The following SLC19A1 variants were observed in gnomAD, a reference collection of about 807,000 sequenced individuals.
SLC19A1 encodes solute carrier family 19 member 1, also known as reduced folate transporter.
A neutral mutation model predicts 35.3 loss-of-function variants in SLC19A1; 37 were observed. The ratio of observed to expected loss-of-function variants is 1.05; its 90% CI spans 0.81 to 1.38. The LOEUF is 1.38. SLC19A1 is among the 40% of genes most tolerant of loss of function. SLC19A1 has a pLI of 0.00. For missense variants in SLC19A1, 831 were observed against 826.9 expected (o/e 1.00, Z -0.06); for synonymous variants, 460 against 398.5 (o/e 1.15, Z -1.84).
downstream of SLC19A1, chr21:45,511,122 G>C (rs746006164): frequency 1.9e-6 from 3 of 1,575,144 alleles, no homozygotes; most frequent in Non-Finnish European, 2.6e-6. Flanking sequence ...ACGAGCTGCT[G>C]TTTCCCAGCT....
At chr21:45,510,754 A>C (rs951077558), downstream of SLC19A1, among the ~76,000 whole-genome samples, 55 of 152,130 alleles carry the variant, frequency 3.6e-4, no homozygotes, top group Non-Finnish European at 7.5e-4. Context: ...CAGAACCAAC[A>C]GCAGAGGGGT....
Position 45,560,686 on chromosome 21 carries a change from G to A in SLC19A1, c.-50+2056C>T, listed in dbSNP as rs114950003. Among the ~76,000 whole-genome samples the A allele has an allele frequency of 3.2e-3, 482 of 152,382 alleles. 3 individuals are homozygous for A. The highest frequency in any genetic ancestry group is 0.011 in the African/African-American group (457 of 41,594). Reference sequence around the variant, plus strand: ...GAATGAGGATTTGAAGGACCAAGAAGAGGAATGACAAAGGTGAGGTGCCTT... The same window carrying A: ...GAATGAGGATTTGAAGGACCAAGAAAAGGAATGACAAAGGTGAGGTGCCTT... On this transcript the variant is annotated intron_variant, in intron 1 of 5. Coordinates refer to the SLC19A1 transcript ENST00000650808.
At chr21:45,541,259 GTGGCACCCAGGCAA>G (rs1221635191) in intron 1 of SLC19A1, among the ~76,000 whole-genome samples, 1 of 152,262 alleles carries the variant, frequency 6.6e-6, no homozygotes. Flanking sequence ...CAGTGCACAG[GTGGCACCCAGGCAA>G]AGGCGGCCAG....
Position 45,534,315 on chromosome 21 carries a change from G to A in SLC19A1, c.190-2167C>T, listed in dbSNP as rs527294537. Among the ~76,000 whole-genome samples the A allele has an allele frequency of 3.9e-5, 6 of 152,268 alleles. No individual in the cohort carries two copies. Among genetic ancestry groups the A allele is most frequent in the East Asian group, 3.9e-4 (2 of 5,162 alleles). On this transcript the variant is annotated intron_variant, in intron 2 of 5. Transcript: ENST00000311124. The surrounding 1 kb of genome is among the most constrained non-coding windows in gnomAD (Gnocchi z 4.2). Reference sequence around the variant, plus strand: ...AGCCCAGGGAACCCCTGCAGATTCCGAAAGAAGCGGCTCAGAGGCAGGGGT... The same window carrying A: ...AGCCCAGGGAACCCCTGCAGATTCCAAAAGAAGCGGCTCAGAGGCAGGGGT...
chr21:45,533,318 C>T lies in SLC19A1; in HGVS notation c.190-1170G>A, dbSNP rs2077998176. Reference sequence around the variant, plus strand: ...ACGGGGCTGGGGGTGCTACCTCCTACAGGACAAGGTCAGAGGACACTGCCC... The same window carrying T: ...ACGGGGCTGGGGGTGCTACCTCCTATAGGACAAGGTCAGAGGACACTGCCC... On this transcript the variant is annotated intron_variant, in intron 2 of 5. Coordinates refer to ENST00000311124, the MANE Select transcript of SLC19A1 (RefSeq NM_194255.4). This position sits in a 1 kb window ranked among gnomAD's most constrained non-coding sequence, Gnocchi z 4.5. Among the ~76,000 whole-genome samples the T allele has an allele frequency of 6.6e-6, 1 of 152,152 alleles. No individual in the cohort carries two copies. Among genetic ancestry groups the T allele is most frequent in the African/African-American group, 2.4e-5 (1 of 41,430 alleles).
At chr21:45,547,380 A>ATTC (rs2078425191), upstream of SLC19A1, among the ~76,000 whole-genome samples, 1 of 152,142 alleles carries the variant, frequency 6.6e-6, no homozygotes, top group Non-Finnish European at 1.5e-5. Flanking sequence ...CCATGAGGGG[A>ATTC]AGGGAGGGAT....
At position 45,534,332 on chromosome 21, in the gene SLC19A1, G is replaced by A. The variant is rs2146390903; in HGVS notation, c.190-2184C>T. On this transcript the variant is annotated intron_variant, in intron 2 of 5. Transcript: ENST00000311124. This position sits in a 1 kb window ranked among gnomAD's most constrained non-coding sequence, Gnocchi z 4.2. ...CAGATTCCGAAAGAAGCGGCTCAGA[G>A]GCAGGGGTCCTCCTAGGACCTCAGG... Among the ~76,000 whole-genome samples, 1 of 152,232 alleles carries A rather than the reference G, an allele frequency of 6.6e-6. No homozygotes were observed. Among genetic ancestry groups the A allele is most frequent in the East Asian group, 1.9e-4 (1 of 5,150 alleles).
chr21:45,523,570 C>T (rs1208681567), intron 5 of SLC19A1, among the ~76,000 whole-genome samples: 1 of 152,234 alleles, frequency 6.6e-6, no homozygotes, highest in African/African-American at 2.4e-5. Flanking sequence ...GGGGTCCCCT[C>T]CACAGGGCAG....
In SLC19A1 at chr21:45,530,666, G is replaced by T; in HGVS notation, c.1151+104C>A. 8.0e-7 allele frequency: 1 copy of T among 1,250,678 alleles called. No individual in the cohort carries two copies. Among genetic ancestry groups the T allele is most frequent in the Non-Finnish European group, 1.1e-6 (1 of 903,978 alleles). 77.5% of individuals were successfully genotyped at this position (1,250,678 alleles called of 1,614,324 possible). On this transcript the variant is annotated intron_variant, in intron 4 of 5. Coordinates refer to ENST00000311124, the MANE Select transcript of SLC19A1 (RefSeq NM_194255.4). This position sits in a 1 kb window ranked among gnomAD's most constrained non-coding sequence, Gnocchi z 5.3. Reference sequence around the variant, plus strand: ...CAGGTGGCTGGCGGGGCCAGCAGTGGCACAGCCGCTGGGGCGCAGCAGGAA... The same window carrying T: ...CAGGTGGCTGGCGGGGCCAGCAGTGTCACAGCCGCTGGGGCGCAGCAGGAA...
downstream of SLC19A1, among the ~76,000 whole-genome samples, chr21:45,508,284 A>ATGGGGAGGTGGATGGGTGGTTGC (rs1241650291): frequency 7.2e-6 from 1 of 138,292 alleles, no homozygotes; most frequent in African/African-American, 2.9e-5. Flanking sequence ...GGGTAGGTAG[A>ATGGGGAGGTGGATGGGTGGTTGC]TGGGGAGGTG....
chr21:45,538,548 A>G (rs2078208424), intron 1 of SLC19A1, among the ~76,000 whole-genome samples: 2 of 152,206 alleles, frequency 1.3e-5, no homozygotes, highest in Admixed American at 6.5e-5. Context: ...GGGTGGCTGC[A>G]GGTACCAGCC....
At chr21:45,558,739 G>A (rs1341810923) in intron 1 of SLC19A1, among the ~76,000 whole-genome samples, 3 of 152,132 alleles carry the variant, frequency 2.0e-5, no homozygotes, top group African/African-American at 7.2e-5. Flanking sequence ...TTGGAACAAG[G>A]TGGAGCTGTG....
chr21:45,532,156 C>T lies in SLC19A1; in HGVS notation c.190-8G>A. On this transcript the variant is annotated splice_region_variant and splice_polypyrimidine_tract_variant and intron_variant, in intron 2 of 5. Coordinates refer to ENST00000311124, the MANE Select transcript of SLC19A1 (RefSeq NM_194255.4). ...CGTGATCTCGTTCGTGACCTGCGGACAGGCGGGCGTGCGCCCCACCAGGTG... is the reference window on the plus strand; with the variant it reads ...CGTGATCTCGTTCGTGACCTGCGGATAGGCGGGCGTGCGCCCCACCAGGTG... The T allele has an allele frequency of 1.3e-6, 2 of 1,582,342 alleles. No homozygotes were observed. The highest frequency in any genetic ancestry group is 2.3e-5 in the East Asian group (1 of 44,436).
intron 1 of SLC19A1, among the ~76,000 whole-genome samples, chr21:45,557,905 G>A (rs1602962528): frequency 6.6e-6 from 1 of 152,224 alleles, no homozygotes; most frequent in Admixed American, 6.5e-5. Flanking sequence ...GGCGTGGGGA[G>A]TGATAGTGTG....
chr21:45,526,028 AGCCCGGCTCCCACCAGCCCATGACCC>A (rs961487675), intron 4 of SLC19A1, 70 bp from the exon 5 acceptor site: 6 of 1,551,718 alleles, frequency 3.9e-6, no homozygotes, highest in Non-Finnish European at 5.3e-6. Flanking sequence ...AAAAGCCTGC[AGCCCGGCTCCCACCAGCCCATGACCC>A]GCCCGGCAGC....
At chr21:45,526,689 A>C (rs908840878) in intron 4 of SLC19A1, among the ~76,000 whole-genome samples, 4 of 152,208 alleles carry the variant, frequency 2.6e-5, no homozygotes, top group African/African-American at 9.7e-5. Flanking sequence ...CTCCTGTCTC[A>C]GCCTTTCGAG....
chr21:45,560,511 T>C (rs1382144352), intron 1 of SLC19A1, among the ~76,000 whole-genome samples: 1 of 151,840 alleles, frequency 6.6e-6, no homozygotes, highest in Non-Finnish European at 1.5e-5. Context: ...AGACGCCATG[T>C]GGGAATGGGA....
At position 45,530,818 on chromosome 21, in the gene SLC19A1, G is replaced by A. The variant is rs2077851310; in HGVS notation, c.1103C>T (p.Ala368Val). Residue 368 changes from alanine (A) to valine (V), a missense_variant, in exon 4 of 6, where the codon GCC becomes GTC. By Grantham distance (64) the Ala-to-Val change is moderately conservative (BLOSUM62 0). Transcript: ENST00000311124. This position sits in a 1 kb window ranked among gnomAD's most constrained non-coding sequence, Gnocchi z 5.3. Reference sequence around the variant, plus strand: ...GTAGGAGCCGCGGAACAGCACGAAGGCCGCATAGCACAGCCAGATGCTGCT... The same window carrying A: ...GTAGGAGCCGCGGAACAGCACGAAGACCGCATAGCACAGCCAGATGCTGCT... ...HPSSIWLCYA[A>V]FVLFRGSYQF... 1.3e-6 allele frequency: 2 copies of A among 1,560,832 alleles called. No homozygotes were observed. The highest frequency in any genetic ancestry group is 2.7e-5 in the African/African-American group (2 of 73,142).
rs1380824498 is a variant in SLC19A1 at position 45,540,483 on chromosome 21, G to C, written c.-50+1885C>G. ...GAAGCGACCAGAACATTCCTTCCTT[G>C]GAGAGACAGCCAGAGTCTCCGCCAG... On this transcript the variant is annotated intron_variant, in intron 1 of 5. Transcript: ENST00000311124. This position sits in a 1 kb window ranked among gnomAD's most constrained non-coding sequence, Gnocchi z 5.5. 6.6e-6 allele frequency among the ~76,000 whole-genome samples: 1 copy of C among 152,186 alleles called. No individual in the cohort carries two copies. Among genetic ancestry groups the C allele is most frequent in the Non-Finnish European group, 1.5e-5 (1 of 68,034 alleles).
Sources: allele counts gnomAD v4.1 joint callset (sites outside exome capture counted in the v4.1 genomes callset), GRCh38; gene constraint gnomAD v4.1.1; non-coding constraint Gnocchi (gnomAD v3.1); transcripts MANE v1.5; gene names NCBI Gene and HGNC (gene_info 2026-07-23, HGNC 2026-07-21).